SCFD2: variants seen among roughly 807,000 people sequenced by gnomAD.
SCFD2 encodes sec1 family domain containing 2, also known as sec1 family domain-containing protein 2.
A neutral mutation model predicts 58.9 loss-of-function variants in SCFD2; 54 were observed. The observed-to-expected ratio is 0.92, with a 90% confidence interval of 0.74 to 1.15. The LOEUF is 1.15. Ranked by LOEUF, SCFD2 falls within the 50% of genes most tolerant of loss-of-function variation. SCFD2 has a pLI of 0.00. For synonymous variants in SCFD2, 321 were observed against 335.9 expected, an observed-to-expected ratio of 0.96 and a Z score of 0.49; for missense variants, 805 against 836.6, an observed-to-expected ratio of 0.96 and a Z score of 0.47.
chr4:53,040,311 G>T (rs550341205), intron 5 of SCFD2, among the ~76,000 whole-genome samples: 198 of 152,218 alleles, frequency 1.3e-3, no homozygotes, highest in African/African-American at 4.4e-3. Flanking sequence ...TGACTCAAAT[G>T]TCAATTTTCT....
chr4:53,214,701 G>A lies in SCFD2; in HGVS notation c.1311+59125C>T, dbSNP rs188092020. Among the ~76,000 whole-genome samples the A allele has an allele frequency of 5.3e-3, 806 of 152,122 alleles. 19 individuals carry two copies. The highest frequency in any genetic ancestry group is 0.018 in the African/African-American group (758 of 41,446). On this transcript the variant is annotated intron_variant, in intron 4 of 8. Coordinates refer to ENST00000401642, the MANE Select transcript of SCFD2 (RefSeq NM_152540.4). ...TTTGGCTTTTGTTGCCATTGCTTTC[G>A]GTGTTTTAGACATGAAGTCCTTGCC...
intron 5 of SCFD2, among the ~76,000 whole-genome samples, chr4:52,924,946 G>A (rs970837849): frequency 1.3e-5 from 2 of 152,154 alleles, no homozygotes; most frequent in Non-Finnish European, 2.9e-5. Context: ...TACAAAAGCT[G>A]TTAAATGGGG....
chr4:53,346,280 T>TC (rs1485780633), intron 2 of SCFD2, among the ~76,000 whole-genome samples: 3 of 149,726 alleles, frequency 2.0e-5, no homozygotes, highest in African/African-American at 7.3e-5. Context: ...TTTTTTTCTT[T>TC]TTTTTTTTTT....
intron 4 of SCFD2, among the ~76,000 whole-genome samples, chr4:53,171,963 ATTT>A (rs1222471525): frequency 6.7e-6 from 1 of 149,262 alleles, no homozygotes; most frequent in Non-Finnish European, 1.5e-5. Context: ...TTGATTATTT[ATTT>A]ATTTATTTAT....
rs34865805 is a variant in SCFD2, at chr4:53,324,420, C to CAAAA, written c.1008-10661_1008-10658dup. On this transcript the variant is annotated intron_variant, in intron 2 of 8. Coordinates refer to ENST00000401642, the MANE Select transcript of SCFD2 (RefSeq NM_152540.4). ...GTGACAGAGTGAGACCCTGTCTCTC[C>CAAAA]AAAAAAAAAAAAAAAAAAAAGTATC... Among the ~76,000 whole-genome samples the CAAAA allele has an allele frequency of 1.8e-3, 168 of 93,634 alleles. 1 individual carries two copies. Among genetic ancestry groups the CAAAA allele is most frequent in the South Asian group, 4.7e-3 (12 of 2,544 alleles). 61.4% of individuals were successfully genotyped at this position (93,634 alleles called of 152,430 possible).
At chr4:53,361,743 T>C (rs1489255441) in intron 1 of SCFD2, among the ~76,000 whole-genome samples, 1 of 152,216 alleles carries the variant, frequency 6.6e-6, no homozygotes, top group African/African-American at 2.4e-5. Flanking sequence ...ATATCATTAT[T>C]TTCTTTCTTA....
At chr4:53,019,589 T>G (rs538627933) in intron 5 of SCFD2, among the ~76,000 whole-genome samples, 51 of 152,326 alleles carry the variant, frequency 3.3e-4, no homozygotes, top group Non-Finnish European at 6.3e-4. Context: ...TCCTCTTGGA[T>G]TCAAAGGGGT....
intron 4 of SCFD2, among the ~76,000 whole-genome samples, chr4:53,170,790 T>A (rs190688172): frequency 6.8e-4 from 104 of 152,300 alleles, no homozygotes; most frequent in Non-Finnish European, 1.2e-3. Context: ...TTTATAGCTA[T>A]TGTAAATGGG....
At chr4:53,266,697 T>C (rs1048114312) in intron 4 of SCFD2, among the ~76,000 whole-genome samples, 2 of 152,250 alleles carry the variant, frequency 1.3e-5, no homozygotes, top group African/African-American at 2.4e-5. Context: ...AACATGTTCT[T>C]TTCTACACTT....
At chr4:53,189,497 C>G (rs948127168) in intron 4 of SCFD2, among the ~76,000 whole-genome samples, 1 of 152,172 alleles carries the variant, frequency 6.6e-6, no homozygotes, top group African/African-American at 2.4e-5. Flanking sequence ...TCTTAGCTTG[C>G]AAACTTCGCT....
intron 5 of SCFD2, among the ~76,000 whole-genome samples, chr4:53,085,581 A>C (rs1271891698): frequency 1.3e-5 from 2 of 152,228 alleles, no homozygotes; most frequent in Non-Finnish European, 1.5e-5. Context: ...AGCCAAAGCT[A>C]TTCTGTGCAA....
chr4:53,318,968 C>T (rs1458409910), intron 2 of SCFD2, among the ~76,000 whole-genome samples: 1 of 152,178 alleles, frequency 6.6e-6, no homozygotes, highest in Non-Finnish European at 1.5e-5. Flanking sequence ...TAACCTCAAT[C>T]TTTAAAAGGC....
intron 4 of SCFD2, among the ~76,000 whole-genome samples, chr4:53,270,048 A>T (rs1418071523): frequency 6.6e-6 from 1 of 152,014 alleles, no homozygotes; most frequent in Non-Finnish European, 1.5e-5. Flanking sequence ...AAAAATCCTA[A>T]TTTCACCTGT....
chr4:53,125,830 G>A (rs1179900302), intron 5 of SCFD2, among the ~76,000 whole-genome samples: 1 of 152,236 alleles, frequency 6.6e-6, no homozygotes, highest in Non-Finnish European at 1.5e-5. Flanking sequence ...GGAGGGGGTA[G>A]ATATGGGGTA....
At chr4:53,172,161 C>A (rs1221571487) in intron 4 of SCFD2, among the ~76,000 whole-genome samples, 1 of 151,928 alleles carries the variant, frequency 6.6e-6, no homozygotes, top group Non-Finnish European at 1.5e-5. Flanking sequence ...CACGCACCAC[C>A]ACACCCAGCT....
chr4:52,967,402 G>T (rs922310418), intron 5 of SCFD2, among the ~76,000 whole-genome samples: 1 of 152,078 alleles, frequency 6.6e-6, no homozygotes, highest in African/African-American at 2.4e-5. Flanking sequence ...AGTCCTTGTT[G>T]TCCCTAAGTA....
At chr4:53,239,772 G>A (rs1036119466) in intron 4 of SCFD2, among the ~76,000 whole-genome samples, 9 of 152,174 alleles carry the variant, frequency 5.9e-5, no homozygotes, top group East Asian at 3.9e-4. Flanking sequence ...CACCATGCCC[G>A]GCCTTTGTTT....
chr4:53,172,198 T>G (rs1324654225), intron 4 of SCFD2, among the ~76,000 whole-genome samples: 1 of 151,752 alleles, frequency 6.6e-6, no homozygotes, highest in African/African-American at 2.4e-5. Context: ...GTAGACAGGT[T>G]TTCACCTTGT....
intron 3 of SCFD2, among the ~76,000 whole-genome samples, chr4:53,278,830 A>G (rs546031994): frequency 2.0e-5 from 3 of 151,934 alleles, no homozygotes; most frequent in Non-Finnish European, 4.4e-5. Context: ...TTTCCTAAAA[A>G]TCCCTAAGAG....
Sources: gnomAD v4.1 joint callset for allele counts (sites outside exome capture counted in the v4.1 genomes callset) on GRCh38, gnomAD v4.1.1 for gene constraint, MANE v1.5 for transcripts, NCBI Gene and HGNC (gene_info 2026-07-23, HGNC 2026-07-21) for gene names.